SLC35F3: variants seen among roughly 807,000 people sequenced by gnomAD.
SLC35F3 encodes solute carrier family 35 member F3.
A neutral mutation model predicts 49.9 loss-of-function variants in SLC35F3; 25 were observed. The observed-to-expected ratio is 0.50, with a 90% confidence interval of 0.37 to 0.70. The LOEUF (loss-of-function observed/expected upper bound fraction) is 0.70, where lower values mean the gene tolerates loss of function less well. SLC35F3 is among the 30% of genes least tolerant of loss of function. SLC35F3 has a pLI of 0.00. For missense variants in SLC35F3, 525 were observed against 639.8 expected, an observed-to-expected ratio of 0.82 and a Z score of 1.94; for synonymous variants, 275 against 265.4, an observed-to-expected ratio of 1.04 and a Z score of -0.35.
At chr1:234,316,488 C>T in intron 4 of SLC35F3, 114 bp from the exon 5 acceptor site, 1 of 1,353,406 alleles carries the variant, frequency 7.4e-7, no homozygotes, top group Non-Finnish European at 1.0e-6. Context: ...AAGGAGACAC[C>T]ACTTTCCCCT....
chr1:234,004,141 G>A (rs771208907), intron 2 of SLC35F3, among the ~76,000 whole-genome samples: 2 of 152,098 alleles, frequency 1.3e-5, no homozygotes, highest in Admixed American at 1.3e-4. Flanking sequence ...ACGTGGATAC[G>A]ACAAATGGGA....
intron 2 of SLC35F3, among the ~76,000 whole-genome samples, chr1:234,096,013 T>C (rs1422225206): frequency 6.6e-6 from 1 of 152,246 alleles, no homozygotes; most frequent in East Asian, 1.9e-4. Context: ...ATTTCTTCTT[T>C]GTTTCATGTG....
At chr1:234,102,933 G>C (rs1665234434) in intron 2 of SLC35F3, among the ~76,000 whole-genome samples, 1 of 152,200 alleles carries the variant, frequency 6.6e-6, no homozygotes, top group South Asian at 2.1e-4. Context: ...GGGCAGGGTA[G>C]AGCATGGGAA....
intron 4 of SLC35F3, 21 bp downstream of exon 4, chr1:234,309,341 C>A (rs558757832): frequency 1.5e-5 from 24 of 1,607,092 alleles, no homozygotes; most frequent in Non-Finnish European, 2.0e-5. Flanking sequence ...TATTATCTGT[C>A]TTCCTCCCTC....
Position 233,905,582 on chromosome 1 carries a change from C to G in SLC35F3, c.107C>G (p.Pro36Arg). The change falls in exon 2 of 8, where the codon CCC (proline) becomes CGC (arginine). Residue 36 changes from proline to arginine, a missense_variant. By Grantham distance (103) the Pro-to-Arg change is moderately radical (BLOSUM62 -2). This residue lies in a region of SLC35F3 where 228 missense variants were observed against 218.9 expected (regional missense o/e 1.04). Coordinates refer to ENST00000366618, the MANE Select transcript of SLC35F3 (RefSeq NM_173508.4). ...VSPRRLSDIS[P>R]QLRQLKYLVV... ...CCCCGGAGACTGTCCGACATCAGCC[C>G]CCAGCTCCGGCAGCTCAAGTACTTG... 1 of 1,614,132 alleles carries G rather than the reference C, an allele frequency of 6.2e-7. No individual in the cohort carries two copies. Among genetic ancestry groups the G allele is most frequent in the Non-Finnish European group, 8.5e-7 (1 of 1,180,030 alleles).
intron 3 of SLC35F3, among the ~76,000 whole-genome samples, chr1:234,237,942 G>T (rs550326918): frequency 6.6e-6 from 1 of 152,096 alleles, no homozygotes; most frequent in African/African-American, 2.4e-5. Flanking sequence ...GCTCTCAAGC[G>T]ATCTGCCCAC....
Position 234,318,883 on chromosome 1 carries a change from T to C in SLC35F3, c.1087T>C (p.Trp363Arg). The C allele has an allele frequency of 6.2e-7, 1 of 1,614,224 alleles. No individual in the cohort carries two copies. Among genetic ancestry groups the C allele is most frequent in the East Asian group, 2.2e-5 (1 of 44,888 alleles). ...CCTCTACTTTACCAAAGTGGAATAC[T>C]GGAGCTCTTTTGATGACATTCCATG... Reference protein sequence around the residue: ...IILYFTKVEYWSSFDDIPWGN... With the variant: ...IILYFTKVEYRSSFDDIPWGN... Residue 363 changes from tryptophan (W) to arginine (R), a missense_variant, in exon 6 of 8, where the codon TGG (tryptophan) becomes CGG (arginine). Physicochemically the swap from Trp to Arg is moderately radical, Grantham distance 101. This residue lies in a region of SLC35F3 where 216 missense variants were observed against 298.1 expected (regional missense o/e 0.72). Coordinates refer to ENST00000366618, the MANE Select transcript of SLC35F3 (RefSeq NM_173508.4).
chr1:234,062,348 G>C (rs1217890572), intron 2 of SLC35F3, among the ~76,000 whole-genome samples: 2 of 152,164 alleles, frequency 1.3e-5, no homozygotes, highest in Non-Finnish European at 2.9e-5. Context: ...GTCACACCTA[G>C]TTATTAAACT....
At chr1:234,245,904 C>T (rs1015397506) in intron 3 of SLC35F3, among the ~76,000 whole-genome samples, 1 of 152,152 alleles carries the variant, frequency 6.6e-6, no homozygotes, top group Non-Finnish European at 1.5e-5. Context: ...AGGACCTAGC[C>T]TCAAAGTCAC....
chr1:234,292,253 GGGAGGCCATC>G (rs1178015229), intron 3 of SLC35F3, among the ~76,000 whole-genome samples: 3 of 152,234 alleles, frequency 2.0e-5, no homozygotes, highest in Non-Finnish European at 4.4e-5. Flanking sequence ...AAGGACAGCA[GGGAGGCCATC>G]TGGCCTCTCA....
At position 234,220,295 on chromosome 1, in the gene SLC35F3, T is replaced by G. The variant is rs373691293; in HGVS notation, c.284-11122T>G. On this transcript the variant is annotated intron_variant, in intron 2 of 7. Transcript: ENST00000366618. ...ATCCAAGATGCTTTCATTTCAGGGG[T>G]GTGTGTGTGTGTGTGCTCATGTGTA... Among the ~76,000 whole-genome samples the G allele has an allele frequency of 4.1e-3, 609 of 147,358 alleles. 3 individuals carry two copies. Among genetic ancestry groups the G allele is most frequent in the African/African-American group, 0.015 (578 of 37,978 alleles).
chr1:234,033,479 A>C (rs1344795765), intron 2 of SLC35F3, among the ~76,000 whole-genome samples: 1 of 152,182 alleles, frequency 6.6e-6, no homozygotes, highest in East Asian at 1.9e-4. Flanking sequence ...TAGAATTTTT[A>C]TAGTTTCAGG....
At position 233,957,759 on chromosome 1, in the gene SLC35F3, G is replaced by A. The variant is rs976314415; in HGVS notation, c.283+52001G>A. Among the ~76,000 whole-genome samples the A allele has an allele frequency of 1.3e-5, 2 of 152,130 alleles. No individual in the cohort carries two copies. The highest frequency in any genetic ancestry group is 6.5e-5 in the Admixed American group (1 of 15,276). ...GAACCCAAGAGGATGAGGTTGCATT[G>A]AGCCGAGACTGCATGATTGCACTCC... On this transcript the variant is annotated intron_variant, in intron 2 of 7. Coordinates refer to ENST00000366618, the MANE Select transcript of SLC35F3 (RefSeq NM_173508.4). The surrounding 1 kb of genome is among the most constrained non-coding windows in gnomAD (Gnocchi z 4.0).
intron 2 of SLC35F3, among the ~76,000 whole-genome samples, chr1:234,074,132 G>A (rs1664761336): frequency 6.6e-6 from 1 of 151,886 alleles, no homozygotes; most frequent in African/African-American, 2.4e-5. Context: ...ACAGGTGTCG[G>A]GTGTCATCCT....
chr1:234,142,225 TTAAAG>T (rs1192309142), intron 2 of SLC35F3, among the ~76,000 whole-genome samples: 2 of 152,174 alleles, frequency 1.3e-5, no homozygotes, highest in Non-Finnish European at 2.9e-5. Flanking sequence ...CAGAATTCAT[TTAAAG>T]TAGGAACTGT....
intron 2 of SLC35F3, among the ~76,000 whole-genome samples, chr1:234,030,090 C>T (rs1202066023): frequency 2.0e-5 from 3 of 152,152 alleles, no homozygotes; most frequent in Admixed American, 6.5e-5. Flanking sequence ...CTCTAATAAT[C>T]ATTATTCTTC....
chr1:234,154,684 C>T (rs1453115047), intron 2 of SLC35F3, among the ~76,000 whole-genome samples: 1 of 152,194 alleles, frequency 6.6e-6, no homozygotes, highest in African/African-American at 2.4e-5. Context: ...AAATACGTGT[C>T]AGAATTCCTT....
intron 2 of SLC35F3, among the ~76,000 whole-genome samples, chr1:234,043,222 C>G (rs1038230156): frequency 6.6e-6 from 1 of 152,158 alleles, no homozygotes; most frequent in Non-Finnish European, 1.5e-5. Context: ...CCTAGGTATG[C>G]TCTTACAGTA....
At chr1:234,170,290 G>T (rs16842702) in intron 2 of SLC35F3, among the ~76,000 whole-genome samples, 1 of 152,056 alleles carries the variant, frequency 6.6e-6, no homozygotes, top group Non-Finnish European at 1.5e-5. Flanking sequence ...ACGGCAGCTC[G>T]TAGGGGTTAA....
Sources: gnomAD v4.1 joint callset for allele counts (sites outside exome capture counted in the v4.1 genomes callset) on GRCh38, gnomAD v4.1.1 for gene constraint, gnomAD v4.1.1 regional missense constraint, Gnocchi (gnomAD v3.1) non-coding constraint, MANE v1.5 for transcripts, NCBI Gene and HGNC (gene_info 2026-07-23, HGNC 2026-07-21) for gene names.